ARFGAP3: variants seen among roughly 807,000 people sequenced by gnomAD.
The protein encoded by ARFGAP3 is ADP-ribosylation factor GTPase-activating protein 3.
Under a neutral mutation model 75.0 loss-of-function variants are expected in ARFGAP3, and 72 were observed. The observed-to-expected ratio is 0.96, with a 90% CI of 0.79 to 1.17. The LOEUF (loss-of-function observed/expected upper bound fraction) is 1.17, where lower values mean the gene tolerates loss of function less well. Among genes scored for constraint, ARFGAP3 ranks in the 50% most tolerant of loss-of-function variants. The probability of loss-of-function intolerance (pLI) is 0.00; values close to 1 mark genes in which losing one functional copy is unlikely to be tolerated. For synonymous variants in ARFGAP3, 221 were observed against 217.9 expected (o/e 1.01, Z -0.13); for missense variants, 620 against 626.6 (o/e 0.99, Z 0.11).
chr22:42,814,590 T>C (rs1038674671), intron 11 of ARFGAP3, among the ~76,000 whole-genome samples: 1 of 152,198 alleles, frequency 6.6e-6, no homozygotes, highest in Non-Finnish European at 1.5e-5. Flanking sequence ...GTCTGAAAGA[T>C]CCCTGAAGCC....
intron 14 of ARFGAP3, among the ~76,000 whole-genome samples, chr22:42,801,719 C>G (rs1273630872): frequency 6.6e-6 from 1 of 152,182 alleles, no homozygotes; most frequent in Non-Finnish European, 1.5e-5. Context: ...ACCCATTCAT[C>G]CTCAAACACC....
intron 2 of ARFGAP3, among the ~76,000 whole-genome samples, chr22:42,844,725 A>G (rs1204550753): frequency 6.6e-6 from 1 of 152,130 alleles, no homozygotes; most frequent in Non-Finnish European, 1.5e-5. Context: ...AAGGAATAAA[A>G]ATGTTTAAAG....
chr22:42,832,981 C>G (rs1334801195), intron 5 of ARFGAP3, among the ~76,000 whole-genome samples: 1 of 149,710 alleles, frequency 6.7e-6, no homozygotes, highest in East Asian at 1.9e-4. Flanking sequence ...GGGAAAACTC[C>G]GTCTTTAAAA....
chr22:42,848,005 C>T (rs1927098682), intron 1 of ARFGAP3, among the ~76,000 whole-genome samples: 1 of 151,464 alleles, frequency 6.6e-6, no homozygotes, highest in Admixed American at 6.6e-5. Context: ...GCTGGGACTA[C>T]AGGCTCACAC....
intron 3 of ARFGAP3, among the ~76,000 whole-genome samples, chr22:42,840,573 T>C (rs1044091282): frequency 1.3e-5 from 2 of 151,834 alleles, no homozygotes; most frequent in Non-Finnish European, 2.9e-5. Flanking sequence ...TGCACCACCA[T>C]ACCCAGCTAA....
Position 42,799,108 on chromosome 22 carries a change from G to A in ARFGAP3, c.1464C>T (p.Phe488=). ...CAGCAACCGATCTCACTCCCTGCTT[G>A]AACTGCGCCATGTCGGGGGCGTTGG... The part of the protein sequence containing the change: ...VLPNAPDMAQ[F]KQGVRSVAGK... The change falls in exon 15 of 16, where the codon TTC becomes TTT. Residue 488 remains phenylalanine, a synonymous_variant. Coordinates refer to ENST00000263245, the MANE Select transcript of ARFGAP3 (RefSeq NM_014570.5). 6.2e-7 allele frequency: 1 copy of A among 1,614,168 alleles called. No homozygotes were observed. Among genetic ancestry groups the A allele is most frequent in the East Asian group, 2.2e-5 (1 of 44,876 alleles).
intron 6 of ARFGAP3, among the ~76,000 whole-genome samples, chr22:42,827,327 AC>A (rs1442006380): frequency 6.6e-6 from 1 of 152,124 alleles, no homozygotes; most frequent in Non-Finnish European, 1.5e-5. Context: ...GACTATACAT[AC>A]CCAATGTATG....
At chr22:42,835,820 A>AAAC (rs956871017) in intron 3 of ARFGAP3, among the ~76,000 whole-genome samples, 3 of 152,054 alleles carry the variant, frequency 2.0e-5, no homozygotes, top group Non-Finnish European at 2.9e-5. Context: ...CTCCATCTCA[A>AAAC]AACAACAACA....
chr22:42,823,190 G>C (rs1358187030), intron 8 of ARFGAP3, among the ~76,000 whole-genome samples: 1 of 152,006 alleles, frequency 6.6e-6, no homozygotes, highest in East Asian at 1.9e-4. Context: ...GATACAGAGG[G>C]CTGAGGAAAG....
At chr22:42,845,557 CA>C (rs895726986) in intron 2 of ARFGAP3, among the ~76,000 whole-genome samples, 10 of 141,992 alleles carry the variant, frequency 7.0e-5, no homozygotes, top group Admixed American at 3.5e-4. Flanking sequence ...ACAACAACAA[CA>C]AAAAAAAACC....
intron 3 of ARFGAP3, among the ~76,000 whole-genome samples, chr22:42,838,267 C>T (rs573767806): frequency 8.1e-6 from 1 of 123,816 alleles, no homozygotes; most frequent in Non-Finnish European, 1.8e-5. Context: ...TATATATATA[C>T]ACACACACAT....
chr22:42,822,170 T>A, intron 9 of ARFGAP3, 100 bp downstream of exon 9: 78 of 695,534 alleles, frequency 1.1e-4, no homozygotes, highest in Non-Finnish European at 1.8e-4. Context: ...GTACCCTCCC[T>A]TCCCCCCCCA....
At chr22:42,841,743 G>A (rs1023758460) in intron 2 of ARFGAP3, among the ~76,000 whole-genome samples, 1 of 152,070 alleles carries the variant, frequency 6.6e-6, no homozygotes, top group Non-Finnish European at 1.5e-5. Context: ...AAAGGAATGT[G>A]GATATTTTAG....
In ARFGAP3 at chr22:42,799,131, T is replaced by G. The variant is rs529436807; in HGVS notation, c.1441A>C (p.Asn481His). 4 of 1,614,130 alleles carry G rather than the reference T, an allele frequency of 2.5e-6. No individual in the cohort carries two copies. Among genetic ancestry groups the G allele is most frequent in the Admixed American group, 1.7e-5 (1 of 60,022 alleles). Residue 481 changes from asparagine (N) to histidine (H), a missense_variant, in exon 15 of 16, where the codon AAC becomes CAC. Coordinates refer to ENST00000263245, the MANE Select transcript of ARFGAP3 (RefSeq NM_014570.5). ...GNYSLSSVLPNAPDMAQFKQG... is the reference protein window; with the variant it reads ...GNYSLSSVLPHAPDMAQFKQG... ...TTGAACTGCGCCATGTCGGGGGCGT[T>G]GGGCAGCACACTGGACAGGCTGTAG...
intron 11 of ARFGAP3, 146 bp from the exon 12 acceptor site, chr22:42,811,090 C>T (rs1925350327): frequency 3.8e-6 from 5 of 1,320,858 alleles, no homozygotes; most frequent in African/African-American, 1.5e-5. Context: ...CAGGAGCAGA[C>T]ACGAGGTGTG....
chr22:42,836,410 A>G (rs1402525657), intron 3 of ARFGAP3, among the ~76,000 whole-genome samples: 1 of 152,120 alleles, frequency 6.6e-6, no homozygotes, highest in East Asian at 1.9e-4. Context: ...AAGTGCTGGG[A>G]TTAGAAGTGT....
chr22:42,837,357 A>G (rs1053076486), intron 3 of ARFGAP3, among the ~76,000 whole-genome samples: 47 of 152,156 alleles, frequency 3.1e-4, no homozygotes, highest in Non-Finnish European at 4.9e-4. Flanking sequence ...CCGGTGGCTC[A>G]TGCCTGCAAT....
At chr22:42,841,506 G>A (rs931736321) in intron 2 of ARFGAP3, among the ~76,000 whole-genome samples, 5 of 152,170 alleles carry the variant, frequency 3.3e-5, no homozygotes, top group African/African-American at 4.8e-5. Context: ...TGCTCCTGAA[G>A]TGAAAGCTAC....
At chr22:42,838,290 A>ATTTTTT (rs1555899058) in intron 3 of ARFGAP3, among the ~76,000 whole-genome samples, 69 of 137,204 alleles carry the variant, frequency 5.0e-4, no homozygotes, top group East Asian at 1.9e-3. Context: ...ATATATATAT[A>ATTTTTT]TTTTTTTTTT....
Sources: gnomAD v4.1 joint callset for allele counts (sites outside exome capture counted in the v4.1 genomes callset) on GRCh38, gnomAD v4.1.1 for gene constraint, MANE v1.5 for transcripts, NCBI Gene and HGNC (gene_info 2026-07-23, HGNC 2026-07-21) for gene names.